NOTCH2: variants seen among roughly 807,000 people sequenced by gnomAD.
NOTCH2 encodes the protein neurogenic locus notch homolog protein 2.
A neutral mutation model predicts 235.8 loss-of-function variants in NOTCH2; 29 were observed. The observed-to-expected ratio is 0.12, with a 90% CI of 0.09 to 0.17. The LOEUF (loss-of-function observed/expected upper bound fraction) is 0.17. Ranked by LOEUF, NOTCH2 falls within the 10% of genes least tolerant of loss-of-function variation. The probability of loss-of-function intolerance (pLI) is 1.00; values close to 1 mark genes in which losing one functional copy is unlikely to be tolerated. For synonymous variants in NOTCH2, 1,086 were observed against 1,141.5 expected, an observed-to-expected ratio of 0.95 and a Z score of 0.98; for missense variants, 2,285 against 3,150.2, an observed-to-expected ratio of 0.73 and a Z score of 6.57.
At chr1:120,065,916 T>C (rs1489802273) in intron 1 of NOTCH2, among the ~76,000 whole-genome samples, 4 of 151,926 alleles carry the variant, frequency 2.6e-5, no homozygotes, top group African/African-American at 9.7e-5. Context: ...AAATTTCTTA[T>C]ATCCTTATTC....
At chr1:119,980,493 A>G (rs1483506265) in intron 5 of NOTCH2, among the ~76,000 whole-genome samples, 1 of 152,138 alleles carries the variant, frequency 6.6e-6, no homozygotes, top group Non-Finnish European at 1.5e-5. Flanking sequence ...TTACATAGTG[A>G]TCTAAACCCA....
intron 12 of NOTCH2, among the ~76,000 whole-genome samples, chr1:119,956,568 C>T (rs1013266060): frequency 2.6e-5 from 4 of 152,118 alleles, no homozygotes; most frequent in Non-Finnish European, 4.4e-5. Context: ...TTATTAATAG[C>T]TTATTTTTAA....
At chr1:119,955,263 T>C in intron 12 of NOTCH2, 31 bp from the exon 13 acceptor site, 3 of 1,606,090 alleles carry the variant, frequency 1.9e-6, no homozygotes, top group East Asian at 2.2e-5. Context: ...GTTAGTCACA[T>C]CCTAAATGCT....
At chr1:119,927,672 AG>A (rs1215261916) in intron 23 of NOTCH2, among the ~76,000 whole-genome samples, 2 of 152,154 alleles carry the variant, frequency 1.3e-5, no homozygotes, top group African/African-American at 4.8e-5. Context: ...AAAAAGCCTC[AG>A]GGGCAATGAA....
intron 1 of NOTCH2, among the ~76,000 whole-genome samples, chr1:120,040,762 G>A (rs1314071425): frequency 6.7e-6 from 1 of 149,944 alleles, no homozygotes; most frequent in East Asian, 1.9e-4. Context: ...AAACGGCCAG[G>A]CGCGGTGGCT....
In NOTCH2 at chr1:120,069,408, T is replaced by G; in HGVS notation, c.-2A>C. The G allele has an allele frequency of 6.5e-7, 1 of 1,543,424 alleles. No homozygotes were observed. The highest frequency in any genetic ancestry group is 8.7e-7 in the Non-Finnish European group (1 of 1,152,700). On this transcript the variant is annotated 5_prime_UTR_variant, in exon 1 of 34. Coordinates refer to ENST00000256646, the MANE Select transcript of NOTCH2 (RefSeq NM_024408.4). ...CAGAGCGGGGCGCAGGGCGGGCATC[T>G]TCTCGGTCGCCTCCTCCTCCGCCGC...
chr1:120,058,793 ATGT>A (rs1655215184), intron 1 of NOTCH2, among the ~76,000 whole-genome samples: 1 of 101,006 alleles, frequency 9.9e-6, no homozygotes, highest in Non-Finnish European at 1.8e-5. Flanking sequence ...AGGCAGAGAA[ATGT>A]TGAGCCATAG....
chr1:119,958,112 C>T (rs1250104688), intron 12 of NOTCH2, among the ~76,000 whole-genome samples: 2 of 152,144 alleles, frequency 1.3e-5, no homozygotes, highest in Non-Finnish European at 2.9e-5. Flanking sequence ...TTGTATTACC[C>T]ACTTATCAAC....
intron 1 of NOTCH2, among the ~76,000 whole-genome samples, chr1:120,033,410 C>CAATAA (rs1654173911): frequency 8.9e-5 from 1 of 11,232 alleles, no homozygotes; most frequent in Admixed American, 1.9e-3. Flanking sequence ...GACTCCATCT[C>CAATAA]AAAAAAAAAA....
Position 119,914,623 on chromosome 1 carries a change from GTA to G in NOTCH2, c.*681_*682del, listed in dbSNP as rs1396210826. 4.2e-6 allele frequency: 1 copy of G among 239,332 alleles called. No individual in the cohort carries two copies. The highest frequency in any genetic ancestry group is 6.0e-5 in the East Asian group (1 of 16,782). The allele number at this position is 239,332 out of a possible 1,614,324, so 14.8% of individuals were successfully genotyped here. On this transcript the variant is annotated 3_prime_UTR_variant, in exon 34 of 34. Transcript: ENST00000256646. ...GATATATGCAGGAGAACACAATACA[GTA>G]TGTCCATTTTCCAAAGAAACAACAT... is the stretch of plus-strand genomic sequence containing the variant.
intron 10 of NOTCH2, 113 bp downstream of exon 10, chr1:119,965,340 G>C (rs1651095088): frequency 1.1e-6 from 1 of 873,798 alleles, no homozygotes. Flanking sequence ...TAAACACAGA[G>C]GAGCCTCTGG....
chr1:120,024,057 T>G (rs1263200727), intron 2 of NOTCH2, among the ~76,000 whole-genome samples: 1 of 151,446 alleles, frequency 6.6e-6, no homozygotes, highest in Non-Finnish European at 1.5e-5. Context: ...CAGCATTCTT[T>G]GTTTTATGTT....
intron 11 of NOTCH2, among the ~76,000 whole-genome samples, chr1:119,960,945 T>C (rs1057248121): frequency 2.0e-5 from 3 of 152,158 alleles, no homozygotes; most frequent in Admixed American, 1.3e-4. Context: ...AGATTACAGG[T>C]ATGAGCCACT....
chr1:119,915,733 G>A lies in NOTCH2; in HGVS notation c.6989C>T (p.Pro2330Leu), dbSNP rs1307666182. The A allele has an allele frequency of 1.2e-6, 2 of 1,608,206 alleles. No individual in the cohort carries two copies. Among genetic ancestry groups the A allele is most frequent in the Non-Finnish European group, 1.7e-6 (2 of 1,176,128 alleles). Residue 2330 changes from proline (P) to leucine (L), a missense_variant, in exon 34 of 34, where the codon CCA becomes CTA. Physicochemically the swap from Pro to Leu is moderately conservative, Grantham distance 98. Transcript: ENST00000256646. ...GGTGGGCAGGGGGCCCGCAACAGCT[G>A]GAGGGCAGGTGGACTGAGGCTGGGG... ...GAPQPQSTCPPAVAGPLPTMY... is the reference protein window; with the variant it reads ...GAPQPQSTCPLAVAGPLPTMY...
intron 17 of NOTCH2, among the ~76,000 whole-genome samples, chr1:119,944,562 C>G (rs1553196840): frequency 6.7e-6 from 1 of 149,334 alleles, no homozygotes; most frequent in Non-Finnish European, 1.5e-5. Context: ...AAAAGACCAC[C>G]ACACCAACAG....
At chr1:119,928,434 C>G (rs587653271) in intron 23 of NOTCH2, among the ~76,000 whole-genome samples, 1 of 152,280 alleles carries the variant, frequency 6.6e-6, no homozygotes, top group East Asian at 1.9e-4. Context: ...ATCATGGTGG[C>G]AGGAACTACC....
At chr1:119,999,331 A>G (rs797034153) in intron 3 of NOTCH2, among the ~76,000 whole-genome samples, 1 of 147,324 alleles carries the variant, frequency 6.8e-6, no homozygotes, top group Non-Finnish European at 1.5e-5. Flanking sequence ...TAAGGGAAAA[A>G]GATGCGAGAT....
At chr1:119,930,925 C>T (rs1422843183) in intron 22 of NOTCH2, among the ~76,000 whole-genome samples, 1 of 151,400 alleles carries the variant, frequency 6.6e-6, no homozygotes, top group African/African-American at 2.4e-5. Context: ...GGTGAAACCC[C>T]GTCTCCACTA....
intron 32 of NOTCH2, 115 bp from the exon 33 acceptor site, chr1:119,917,877 T>A (rs1320685879): frequency 2.7e-6 from 2 of 742,776 alleles, no homozygotes; most frequent in Non-Finnish European, 4.8e-6. Context: ...CAGTTCTCTG[T>A]AGGGGTCTAT....
Sources: gnomAD v4.1 joint callset for allele counts (sites outside exome capture counted in the v4.1 genomes callset) on GRCh38, gnomAD v4.1.1 for gene constraint, MANE v1.5 for transcripts, NCBI Gene and HGNC (gene_info 2026-07-23, HGNC 2026-07-21) for gene names.